The following RERE variants were observed in gnomAD, a reference collection of about 807,000 sequenced individuals.
RERE encodes arginine-glutamic acid dipeptide repeats protein.
RERE carries 40 observed loss-of-function variants against 146.1 expected under a neutral mutation model. That is an observed-to-expected ratio of 0.27 (90% confidence interval 0.21 to 0.36). The LOEUF (loss-of-function observed/expected upper bound fraction) is 0.36. Among genes scored for constraint, RERE ranks in the 10% least tolerant of loss-of-function variants. RERE has a pLI of 1.00. For missense variants in RERE, 1,933 were observed against 2,138.7 expected, an observed-to-expected ratio of 0.90 and a Z score of 1.90; for synonymous variants, 1,003 against 866.0, an observed-to-expected ratio of 1.16 and a Z score of -2.78.
intron 12 of RERE, among the ~76,000 whole-genome samples, chr1:8,401,708 C>T (rs781393431): frequency 4.6e-5 from 7 of 151,116 alleles, no homozygotes; most frequent in Non-Finnish European, 7.4e-5. Flanking sequence ...TGCAGTGAGC[C>T]GTGATGTACC....
At chr1:8,565,172 TTAA>T (rs1646138417) in intron 4 of RERE, among the ~76,000 whole-genome samples, 1 of 152,124 alleles carries the variant, frequency 6.6e-6, no homozygotes, top group Non-Finnish European at 1.5e-5. Context: ...ATTAATATAG[TTAA>T]TAACAGTGTA....
At chr1:8,548,016 AGAGAAT>A (rs1325440825) in intron 6 of RERE, among the ~76,000 whole-genome samples, 2 of 152,276 alleles carry the variant, frequency 1.3e-5, no homozygotes, top group African/African-American at 4.8e-5. Flanking sequence ...AGGAAGTAAA[AGAGAAT>A]GAGAAAGTCC....
intron 1 of RERE, among the ~76,000 whole-genome samples, chr1:8,752,613 G>A (rs981113051): frequency 1.3e-5 from 2 of 152,108 alleles, no homozygotes; most frequent in African/African-American, 4.8e-5. Flanking sequence ...TGTACTCATC[G>A]TAAGGCTGTA....
At chr1:8,440,359 G>A (rs558023545) in intron 11 of RERE, among the ~76,000 whole-genome samples, 1 of 152,208 alleles carries the variant, frequency 6.6e-6, no homozygotes, top group Non-Finnish European at 1.5e-5. Flanking sequence ...TTGGGAGGCC[G>A]AGGCAGGCGG....
At chr1:8,420,898 A>G (rs952268807) in intron 12 of RERE, among the ~76,000 whole-genome samples, 2 of 152,190 alleles carry the variant, frequency 1.3e-5, no homozygotes, top group Non-Finnish European at 1.5e-5. Flanking sequence ...AAGGCTATTT[A>G]TTTACGGAGT....
At chr1:8,503,684 C>G (rs1313577972) in intron 8 of RERE, among the ~76,000 whole-genome samples, 1 of 152,048 alleles carries the variant, frequency 6.6e-6, no homozygotes, top group Non-Finnish European at 1.5e-5. Flanking sequence ...AAATAAGAAG[C>G]TTAAATAATA....
chr1:8,553,284 A>G (rs530668120), intron 6 of RERE, among the ~76,000 whole-genome samples: 1 of 151,818 alleles, frequency 6.6e-6, no homozygotes, highest in African/African-American at 2.4e-5. Context: ...GTCCACACAC[A>G]CGTGACACTA....
chr1:8,529,449 C>T (rs554420973), intron 7 of RERE, among the ~76,000 whole-genome samples: 6 of 137,182 alleles, frequency 4.4e-5, no homozygotes, highest in South Asian at 2.4e-4. Context: ...GCCACTACAC[C>T]CAACTAAATT....
chr1:8,648,554 G>T (rs1294282009), intron 2 of RERE, among the ~76,000 whole-genome samples: 1 of 152,054 alleles, frequency 6.6e-6, no homozygotes, highest in African/African-American at 2.4e-5. Flanking sequence ...CTTTAAATAG[G>T]TTTTAGAAAT....
At chr1:8,753,595 C>CT (rs1372333485) in intron 1 of RERE, 1 of 152,132 alleles carries the variant, frequency 6.6e-6, no homozygotes, top group Non-Finnish European at 1.5e-5. Context: ...ATGAAAATGG[C>CT]TGTTTCAATG....
At chr1:8,663,403 T>C (rs1424533779) in intron 1 of RERE, among the ~76,000 whole-genome samples, 10 of 152,192 alleles carry the variant, frequency 6.6e-5, no homozygotes, top group Admixed American at 6.5e-4. Flanking sequence ...GACCATACTC[T>C]AGGCATTTTT....
intron 12 of RERE, among the ~76,000 whole-genome samples, chr1:8,386,012 ATATATATATATTTTTTTT>A (rs1642655461): frequency 1.1e-4 from 5 of 44,746 alleles, no homozygotes; most frequent in African/African-American, 4.7e-4. Flanking sequence ...ATATATATAT[ATATATATATATTTTTTTT>A]TTTTTTTTTT....
At chr1:8,483,007 T>C (rs1024533439) in intron 10 of RERE, among the ~76,000 whole-genome samples, 1 of 152,258 alleles carries the variant, frequency 6.6e-6, no homozygotes, top group Non-Finnish European at 1.5e-5. Flanking sequence ...AACTTTCTGT[T>C]GACTTCAATA....
chr1:8,787,250 C>T (rs1312746257), intron 1 of RERE, among the ~76,000 whole-genome samples: 1 of 152,186 alleles, frequency 6.6e-6, no homozygotes, highest in Admixed American at 6.5e-5. Context: ...CCTATACCTC[C>T]GCATGGCTCC....
chr1:8,598,166 G>C (rs557552295), intron 4 of RERE, among the ~76,000 whole-genome samples: 1 of 152,244 alleles, frequency 6.6e-6, no homozygotes, highest in South Asian at 2.1e-4. Context: ...AGATTTCCTC[G>C]CTGGAATTAT....
chr1:8,559,736 C>T (rs1487135049), intron 4 of RERE, among the ~76,000 whole-genome samples: 2 of 152,158 alleles, frequency 1.3e-5, no homozygotes, highest in Non-Finnish European at 2.9e-5. Flanking sequence ...CCAGACCCCA[C>T]AGTCCATCTG....
intron 1 of RERE, among the ~76,000 whole-genome samples, chr1:8,779,920 G>A (rs929069730): frequency 1.3e-5 from 2 of 152,132 alleles, no homozygotes; most frequent in Admixed American, 6.5e-5. Context: ...GTGGCCGGGA[G>A]CAGCTTATGC....
At chr1:8,576,931 A>T (rs1040462974) in intron 4 of RERE, among the ~76,000 whole-genome samples, 1 of 152,220 alleles carries the variant, frequency 6.6e-6, no homozygotes, top group African/African-American at 2.4e-5. Context: ...GCACTGTGGG[A>T]GGCCGAGGCA....
At chr1:8,513,781 A>AAAAAC (rs538711005) in intron 7 of RERE, among the ~76,000 whole-genome samples, 28 of 152,182 alleles carry the variant, frequency 1.8e-4, no homozygotes, top group South Asian at 2.1e-4. Flanking sequence ...ACTCTGTCTC[A>AAAAAC]AAAACAAAAC....
Sources: allele counts gnomAD v4.1 joint callset (sites outside exome capture counted in the v4.1 genomes callset), GRCh38; gene constraint gnomAD v4.1.1; transcripts MANE v1.5; gene names NCBI Gene and HGNC (gene_info 2026-07-23, HGNC 2026-07-21).